The following OPCML variants were observed in gnomAD, a reference collection of about 807,000 sequenced individuals.
OPCML encodes the protein opioid binding protein/cell adhesion molecule like, also known as opioid-binding protein/cell adhesion molecule.
A neutral mutation model predicts 37.8 loss-of-function variants in OPCML; 13 were observed. That is an observed-to-expected ratio of 0.34 (90% confidence interval 0.22 to 0.55). The LOEUF is 0.55. Among genes scored for constraint, OPCML ranks in the 20% least tolerant of loss-of-function variants. OPCML has a pLI of 0.91. For missense variants in OPCML, 341 were observed against 435.6 expected, an observed-to-expected ratio of 0.78 and a Z score of 1.93; for synonymous variants, 176 against 168.8, an observed-to-expected ratio of 1.04 and a Z score of -0.33.
chr11:133,346,252 A>G (rs1943998795), intron 1 of OPCML, among the ~76,000 whole-genome samples: 1 of 152,226 alleles, frequency 6.6e-6, no homozygotes. Context: ...AATGGGAGTT[A>G]GCGAGTCTGG....
intron 3 of OPCML, among the ~76,000 whole-genome samples, chr11:132,637,139 AT>A (rs5795791): frequency 2.2e-4 from 33 of 148,628 alleles, no homozygotes; most frequent in Admixed American, 5.4e-4. Context: ...AAGGAATTAG[AT>A]TTTTTTTTTT....
At chr11:132,975,667 G>C (rs1001457545) in intron 1 of OPCML, among the ~76,000 whole-genome samples, 4 of 146,578 alleles carry the variant, frequency 2.7e-5, no homozygotes, top group African/African-American at 1.0e-4. Flanking sequence ...TTCCTACTTA[G>C]TCATTTCCTA....
At chr11:132,667,622 G>T (rs766001832) in intron 2 of OPCML, among the ~76,000 whole-genome samples, 5 of 152,276 alleles carry the variant, frequency 3.3e-5, no homozygotes, top group Non-Finnish European at 5.9e-5. Flanking sequence ...CTCTATAAGA[G>T]AAGAAAAAAT....
intron 1 of OPCML, among the ~76,000 whole-genome samples, chr11:132,958,834 A>G (rs1946024011): frequency 6.6e-6 from 1 of 152,178 alleles, no homozygotes; most frequent in Non-Finnish European, 1.5e-5. Flanking sequence ...TACCTTTCCA[A>G]ATATCACTGC....
At chr11:133,498,115 C>T (rs558756383) in intron 1 of OPCML, among the ~76,000 whole-genome samples, 27 of 152,144 alleles carry the variant, frequency 1.8e-4, no homozygotes, top group Non-Finnish European at 3.5e-4. Flanking sequence ...GAGAGGGTGC[C>T]GGGCAAGCGG....
At chr11:133,030,559 C>G (rs894878647) in intron 1 of OPCML, among the ~76,000 whole-genome samples, 3 of 152,162 alleles carry the variant, frequency 2.0e-5, no homozygotes, top group African/African-American at 7.2e-5. Flanking sequence ...GAATCCACAT[C>G]AAGACCACAA....
intron 3 of OPCML, among the ~76,000 whole-genome samples, chr11:132,622,736 C>T (rs1250027827): frequency 5.9e-5 from 9 of 152,162 alleles, no homozygotes; most frequent in Non-Finnish European, 1.2e-4. Context: ...GAGAGTTCCC[C>T]ATCTCTCCAA....
chr11:132,656,948 C>G, intron 3 of OPCML, 139 bp downstream of exon 3: 1 of 1,436,064 alleles, frequency 7.0e-7, no homozygotes, highest in Admixed American at 2.7e-5. Context: ...GGAAACATTC[C>G]AAGACATATA....
intron 2 of OPCML, among the ~76,000 whole-genome samples, chr11:132,802,642 C>T (rs1166312919): frequency 6.6e-6 from 1 of 152,026 alleles, no homozygotes; most frequent in Non-Finnish European, 1.5e-5. Context: ...AAATACTGTA[C>T]CACAGAATAT....
intron 1 of OPCML, among the ~76,000 whole-genome samples, chr11:132,983,546 TG>T (rs1946632387): frequency 6.6e-6 from 1 of 152,166 alleles, no homozygotes; most frequent in Non-Finnish European, 1.5e-5. Flanking sequence ...GCACTGTCTA[TG>T]GTCCTGTCTT....
chr11:133,439,674 A>G (rs1946321729), intron 1 of OPCML, among the ~76,000 whole-genome samples: 1 of 149,040 alleles, frequency 6.7e-6, no homozygotes, highest in Non-Finnish European at 1.5e-5. Flanking sequence ...TCACCGTTTT[A>G]GCCAGGATGG....
At chr11:132,947,959 C>T (rs1945782263) in intron 1 of OPCML, among the ~76,000 whole-genome samples, 1 of 152,108 alleles carries the variant, frequency 6.6e-6, no homozygotes, top group Admixed American at 6.5e-5. Context: ...CTTTGAGCAC[C>T]ATGTCTGTCC....
At chr11:132,822,009 C>T (rs1940017070) in intron 2 of OPCML, among the ~76,000 whole-genome samples, 1 of 152,210 alleles carries the variant, frequency 6.6e-6, no homozygotes, top group African/African-American at 2.4e-5. Context: ...GGAACGTAAT[C>T]AGCCAATTAT....
rs142980712 is a variant in OPCML, at chr11:133,484,150, A to G, written c.61+48114T>C. 1.3e-3 allele frequency among the ~76,000 whole-genome samples: 190 copies of G among 147,082 alleles called. 1 individual carries two copies. Among genetic ancestry groups the G allele is most frequent in the African/African-American group, 4.7e-3 (175 of 37,430 alleles). On this transcript the variant is annotated intron_variant, in intron 1 of 7. Transcript: ENST00000524381. ...ATTGATAGATAGATGATAGATGGAT[A>G]GATAGATAGATAGGTAGATAGATAG...
At chr11:132,735,882 T>C (rs1215107168) in intron 2 of OPCML, among the ~76,000 whole-genome samples, 4 of 151,992 alleles carry the variant, frequency 2.6e-5, no homozygotes, top group Admixed American at 2.6e-4. Context: ...AACATCTACA[T>C]CCAAGAAGCA....
intron 1 of OPCML, among the ~76,000 whole-genome samples, chr11:133,474,508 A>C (rs924222699): frequency 6.6e-6 from 1 of 152,230 alleles, no homozygotes; most frequent in Non-Finnish European, 1.5e-5. Context: ...AAGAATAAGA[A>C]ATAGACGAGT....
chr11:132,544,274 A>G (rs2137389150), intron 3 of OPCML, among the ~76,000 whole-genome samples: 1 of 152,226 alleles, frequency 6.6e-6, no homozygotes, highest in East Asian at 1.9e-4. Context: ...GGAAGCTTCC[A>G]AAGGAATAAT....
chr11:133,389,980 G>A (rs930109842), intron 1 of OPCML, among the ~76,000 whole-genome samples: 1 of 152,180 alleles, frequency 6.6e-6, no homozygotes, highest in African/African-American at 2.4e-5. Context: ...TTAAAATCTG[G>A]CATGAGAGCA....
intron 2 of OPCML, among the ~76,000 whole-genome samples, chr11:132,845,074 G>T (rs1941463267): frequency 6.6e-6 from 1 of 151,584 alleles, no homozygotes; most frequent in Admixed American, 6.6e-5. Flanking sequence ...TCCTTCCCTT[G>T]GTGGTGTGGG....
Sources: gnomAD v4.1 joint callset for allele counts (sites outside exome capture counted in the v4.1 genomes callset) on GRCh38, gnomAD v4.1.1 for gene constraint, MANE v1.5 for transcripts, NCBI Gene and HGNC (gene_info 2026-07-23, HGNC 2026-07-21) for gene names.